The following PTPRD variants were observed in gnomAD, a reference collection of about 807,000 sequenced individuals.
The protein encoded by PTPRD is protein tyrosine phosphatase receptor type D.
Under a neutral mutation model 214.5 loss-of-function variants are expected in PTPRD, and 34 were observed. The observed-to-expected ratio is 0.16, with a 90% CI of 0.12 to 0.21. The LOEUF (loss-of-function observed/expected upper bound fraction) is 0.21, where lower values mean the gene tolerates loss of function less well. PTPRD is among the 10% of genes least tolerant of loss of function. The probability of loss-of-function intolerance (pLI) is 1.00; values close to 1 mark genes in which losing one functional copy is unlikely to be tolerated. For synonymous variants in PTPRD, 1,128 were observed against 845.7 expected (o/e 1.33, Z -5.79); for missense variants, 2,545 against 2,398.7 (o/e 1.06, Z -1.27).
At chr9:9,672,617 G>T (rs978888808) in intron 7 of PTPRD, among the ~76,000 whole-genome samples, 3 of 151,970 alleles carry the variant, frequency 2.0e-5, no homozygotes, top group Non-Finnish European at 2.9e-5. Flanking sequence ...TTCACATAGA[G>T]AATGAGATTT....
intron 3 of PTPRD, among the ~76,000 whole-genome samples, chr9:10,201,780 G>A (rs951042610): frequency 6.6e-6 from 1 of 151,966 alleles, no homozygotes; most frequent in African/African-American, 2.4e-5. Flanking sequence ...ATGCGATTAT[G>A]ATTTGTCAAC....
intron 3 of PTPRD, among the ~76,000 whole-genome samples, chr9:10,222,402 G>C (rs1481000212): frequency 1.3e-5 from 2 of 151,982 alleles, no homozygotes; most frequent in African/African-American, 2.4e-5. Flanking sequence ...ACAATACTTT[G>C]GGTCAACTTT....
intron 11 of PTPRD, among the ~76,000 whole-genome samples, chr9:8,859,390 G>A (rs1006587556): frequency 2.0e-5 from 3 of 152,178 alleles, no homozygotes; most frequent in Admixed American, 2.0e-4. Flanking sequence ...ACTACTCATA[G>A]GGTCTCCAGC....
At chr9:10,288,881 TAGAG>T (rs2095443594) in intron 3 of PTPRD, among the ~76,000 whole-genome samples, 1 of 152,092 alleles carries the variant, frequency 6.6e-6, no homozygotes. Context: ...TAGCATAAAT[TAGAG>T]AGGAGTCTAA....
At chr9:9,427,871 T>C (rs771789790) in intron 8 of PTPRD, among the ~76,000 whole-genome samples, 24 of 152,182 alleles carry the variant, frequency 1.6e-4, no homozygotes, top group Non-Finnish European at 2.9e-4. Flanking sequence ...CTGAGAGATT[T>C]TGTCACCACC....
chr9:9,798,092 A>C (rs10977989), intron 5 of PTPRD, among the ~76,000 whole-genome samples: 13,048 of 152,174 alleles, frequency 0.086, 1,695 homozygotes, highest in East Asian at 0.63. Flanking sequence ...GAAATAAAAC[A>C]AAAGAATTTA....
chr9:9,169,126 C>G (rs1481656206), intron 10 of PTPRD, among the ~76,000 whole-genome samples: 1 of 151,978 alleles, frequency 6.6e-6, no homozygotes, highest in Non-Finnish European at 1.5e-5. Context: ...CTCATCTTAT[C>G]TAATACACTG....
chr9:9,841,374 T>G (rs936637322), intron 5 of PTPRD, among the ~76,000 whole-genome samples: 1 of 152,158 alleles, frequency 6.6e-6, no homozygotes, highest in Non-Finnish European at 1.5e-5. Flanking sequence ...TTACTTTTTT[T>G]TCTAAGTCTT....
chr9:10,516,104 G>T (rs973906096), intron 2 of PTPRD, among the ~76,000 whole-genome samples: 1 of 151,868 alleles, frequency 6.6e-6, no homozygotes, highest in Non-Finnish European at 1.5e-5. Flanking sequence ...AAATAGGATT[G>T]ATGGGTCATA....
chr9:10,080,092 G>A (rs2098210191), intron 3 of PTPRD, among the ~76,000 whole-genome samples: 1 of 151,916 alleles, frequency 6.6e-6, no homozygotes, highest in Non-Finnish European at 1.5e-5. Context: ...TTCCACTAAT[G>A]GTCTAAGTAA....
At chr9:9,824,417 A>G (rs1045030249) in intron 5 of PTPRD, among the ~76,000 whole-genome samples, 2 of 152,044 alleles carry the variant, frequency 1.3e-5, no homozygotes, top group Non-Finnish European at 2.9e-5. Context: ...AATTTTTGTC[A>G]TACCTACCAT....
intron 14 of PTPRD, among the ~76,000 whole-genome samples, chr9:8,605,660 G>A (rs1290740164): frequency 2.0e-5 from 3 of 152,198 alleles, no homozygotes; most frequent in African/African-American, 7.2e-5. Flanking sequence ...GATGAAAGGA[G>A]AATGTACCTA....
intron 7 of PTPRD, among the ~76,000 whole-genome samples, chr9:9,703,697 G>T (rs572618600): frequency 5.9e-5 from 9 of 152,144 alleles, no homozygotes; most frequent in South Asian, 2.1e-4. Context: ...AAATCTATTT[G>T]TTAATAAGTG....
At chr9:8,620,930 T>A (rs900719324) in intron 14 of PTPRD, among the ~76,000 whole-genome samples, 1 of 152,040 alleles carries the variant, frequency 6.6e-6, no homozygotes, top group African/African-American at 2.4e-5. Context: ...CTTAGATCCC[T>A]TGGCCCCATC....
chr9:8,795,931 C>T (rs1566124991), intron 11 of PTPRD, among the ~76,000 whole-genome samples: 1 of 152,076 alleles, frequency 6.6e-6, no homozygotes, highest in Non-Finnish European at 1.5e-5. Flanking sequence ...AGAAAAGGCA[C>T]TTTTTACCTT....
At chr9:10,563,579 A>T (rs901076187) in intron 2 of PTPRD, among the ~76,000 whole-genome samples, 9 of 152,110 alleles carry the variant, frequency 5.9e-5, no homozygotes, top group Non-Finnish European at 1.5e-5. Flanking sequence ...AAATATATTT[A>T]TTTCAATGTA....
At chr9:9,776,505 C>T (rs747294360) in intron 5 of PTPRD, among the ~76,000 whole-genome samples, 16 of 152,110 alleles carry the variant, frequency 1.1e-4, no homozygotes, top group Non-Finnish European at 5.9e-5. Flanking sequence ...ACACAACAGA[C>T]ACTGAGAAAA....
At chr9:8,566,100 ATGTGTGTGTGTGTGTG>A (rs139478736) in intron 14 of PTPRD, among the ~76,000 whole-genome samples, 18 of 137,814 alleles carry the variant, frequency 1.3e-4, no homozygotes, top group African/African-American at 4.1e-4. Flanking sequence ...AATGCAAAAT[ATGTGTGTGTGTGTGTG>A]TGTGTGTGTG....
At chr9:10,596,498 G>A (rs1400702098) in intron 2 of PTPRD, among the ~76,000 whole-genome samples, 2 of 151,528 alleles carry the variant, frequency 1.3e-5, no homozygotes, top group African/African-American at 2.4e-5. Context: ...ATAACTAATT[G>A]TAAAGGCAGT....
Sources: allele counts gnomAD v4.1 joint callset (sites outside exome capture counted in the v4.1 genomes callset), GRCh38; gene constraint gnomAD v4.1.1; transcripts MANE v1.5; gene names NCBI Gene and HGNC (gene_info 2026-07-23, HGNC 2026-07-21).